CSGALNACT1: variants seen among roughly 807,000 people sequenced by gnomAD.
CSGALNACT1 encodes beta4GalNAcT-1.
In CSGALNACT1, 52 loss-of-function variants were observed where a neutral mutation model predicts 51.0. The observed-to-expected ratio is 1.02, with a 90% confidence interval of 0.82 to 1.29. The LOEUF (loss-of-function observed/expected upper bound fraction) is 1.29, where lower values mean the gene tolerates loss of function less well. Among genes scored for constraint, CSGALNACT1 ranks in the 50% most tolerant of loss-of-function variants. CSGALNACT1 has a pLI of 0.00. For missense variants in CSGALNACT1, 935 were observed against 679.2 expected, an observed-to-expected ratio of 1.38 and a Z score of -4.19; for synonymous variants, 341 against 254.4, an observed-to-expected ratio of 1.34 and a Z score of -3.24.
At chr8:19,480,048 A>G (rs1260154984) in intron 4 of CSGALNACT1, among the ~76,000 whole-genome samples, 1 of 152,214 alleles carries the variant, frequency 6.6e-6, no homozygotes, top group Non-Finnish European at 1.5e-5. Context: ...AACTACAACA[A>G]TGCATATTTC....
At chr8:19,616,574 G>A (rs1229376882) in intron 1 of CSGALNACT1, among the ~76,000 whole-genome samples, 2 of 152,148 alleles carry the variant, frequency 1.3e-5, no homozygotes, top group African/African-American at 2.4e-5. Context: ...CTCCTGGAAG[G>A]TGACTGGATC....
chr8:19,515,551 C>G (rs377664696), intron 3 of CSGALNACT1, among the ~76,000 whole-genome samples: 5 of 152,074 alleles, frequency 3.3e-5, no homozygotes, highest in African/African-American at 9.6e-5. Flanking sequence ...AAGTGTAAAT[C>G]AAAAAAATAA....
chr8:19,480,891 C>T (rs1586896683), intron 4 of CSGALNACT1, among the ~76,000 whole-genome samples: 1 of 152,140 alleles, frequency 6.6e-6, no homozygotes, highest in African/African-American at 2.4e-5. Flanking sequence ...AAAGTTTCCA[C>T]CCGGCATCAA....
chr8:19,527,205 T>C (rs185150057), intron 3 of CSGALNACT1, among the ~76,000 whole-genome samples: 2 of 152,218 alleles, frequency 1.3e-5, no homozygotes, highest in African/African-American at 2.4e-5. Context: ...AAAGGGGACA[T>C]AGATGAGGAA....
At position 19,482,540 on chromosome 8, in the gene CSGALNACT1, G is replaced by A. The variant is rs115416726; in HGVS notation, c.634+22661C>T. ...GCCTTTCTCAATATTCGATGCTAAT[G>A]CCCACACTCTCCATCTAAAGCCGCT... On this transcript the variant is annotated intron_variant, in intron 4 of 9. Transcript: ENST00000454498. Among the ~76,000 whole-genome samples the A allele has an allele frequency of 8.8e-3, 1,338 of 152,208 alleles. 18 individuals carry two copies. The highest frequency in any genetic ancestry group is 0.03 in the African/African-American group (1,229 of 41,518).
At chr8:19,711,881 C>G (rs928071193) in intron 1 of CSGALNACT1, among the ~76,000 whole-genome samples, 1 of 152,204 alleles carries the variant, frequency 6.6e-6, no homozygotes, top group Admixed American at 6.5e-5. Flanking sequence ...GGGATGGTCA[C>G]TTTTCAATTA....
chr8:19,615,467 T>A (rs1408139791), intron 1 of CSGALNACT1, among the ~76,000 whole-genome samples: 2 of 152,244 alleles, frequency 1.3e-5, no homozygotes, highest in Non-Finnish European at 1.5e-5. Flanking sequence ...CCAATTTTAT[T>A]TTTAAAAACT....
intron 3 of CSGALNACT1, 64 bp from the exon 3 acceptor site, chr8:19,506,194 G>C (rs1030279901): frequency 2.1e-6 from 1 of 472,138 alleles, no homozygotes. Flanking sequence ...TGTTCCCTAC[G>C]GCAATCAATA....
In CSGALNACT1 at chr8:19,458,501, G is replaced by C. The variant is rs374398144; in HGVS notation, c.776C>G (p.Ala259Gly). 22 of 1,613,990 alleles carry C rather than the reference G, an allele frequency of 1.4e-5. No homozygotes were observed. The Admixed American group carries it at 2.3e-4, about 17-fold the overall frequency. The stretch of plus-strand genomic sequence containing the variant: ...CACGATAACATTGATAAGCGTGTTG[G>C]CCATGTTGAGCTTTTCATTTTTCAC... Residue 259 changes from alanine to glycine, a missense_variant, in exon 5 of 10, where the codon GCC (alanine) becomes GGC (glycine). Coordinates refer to ENST00000454498, the Ensembl canonical transcript of CSGALNACT1.
rs34859554 is a variant in CSGALNACT1, at chr8:19,590,640, C to CTTTTTTTTTTTT, written c.-297+508_-297+519dup. ...TACTCATAGCTGGTGGACCTAACTACTTTTTTTTTTTTTTTTTTTTTTTTT... is the reference window on the plus strand; with the variant it reads ...TACTCATAGCTGGTGGACCTAACTACTTTTTTTTTTTTTTTTTTTTTTTTTTTTTTTTTTTTT... On this transcript the variant is annotated intron_variant, in intron 3 of 9. Coordinates refer to ENST00000454498, the Ensembl canonical transcript of CSGALNACT1. Among the ~76,000 whole-genome samples the CTTTTTTTTTTTT allele has an allele frequency of 4.3e-5, 3 of 68,982 alleles. 1 individual carries two copies. The highest frequency in any genetic ancestry group is 1.6e-4 in the African/African-American group (3 of 18,186). 45.3% of individuals were successfully genotyped at this position (68,982 alleles called of 152,430 possible).
At chr8:19,477,781 G>C (rs2070132509) in intron 4 of CSGALNACT1, among the ~76,000 whole-genome samples, 1 of 152,152 alleles carries the variant, frequency 6.6e-6, no homozygotes, top group Non-Finnish European at 1.5e-5. Context: ...TGGTTGTGAG[G>C]ACTGAAATAC....
chr8:19,560,548 C>T (rs1371422638), intron 3 of CSGALNACT1, among the ~76,000 whole-genome samples: 4 of 152,132 alleles, frequency 2.6e-5, no homozygotes, highest in Admixed American at 2.6e-4. Context: ...TCAATAGATA[C>T]ACAACACGAT....
intron 3 of CSGALNACT1, among the ~76,000 whole-genome samples, chr8:19,517,592 C>T (rs550502678): frequency 3.3e-5 from 5 of 152,060 alleles, no homozygotes; most frequent in East Asian, 1.9e-4. Context: ...GAAAAAGAGG[C>T]TTAATGGACT....
At chr8:19,637,947 G>C (rs191236043) in intron 1 of CSGALNACT1, among the ~76,000 whole-genome samples, 1 of 152,134 alleles carries the variant, frequency 6.6e-6, no homozygotes, top group African/African-American at 2.4e-5. Flanking sequence ...AGGTCAGCTG[G>C]AGCAGATCTC....
chr8:19,463,200 C>T (rs1563538702), intron 4 of CSGALNACT1, among the ~76,000 whole-genome samples: 1 of 152,148 alleles, frequency 6.6e-6, no homozygotes, highest in Non-Finnish European at 1.5e-5. Flanking sequence ...ACAAGTATCA[C>T]ATTTTCTTTA....
At position 19,665,698 on chromosome 8, in the gene CSGALNACT1, A is replaced by T. The variant is rs544419214; in HGVS notation, c.-544+16775T>A. 3.6e-4 allele frequency among the ~76,000 whole-genome samples: 55 copies of T among 152,316 alleles called. No individual in the cohort carries two copies. In the South Asian group the frequency reaches 4.6e-3, roughly 13 times the overall value. On this transcript the variant is annotated intron_variant, in intron 1 of 9. Coordinates refer to the CSGALNACT1 transcript ENST00000332246. ...AGAACCAAAGATGAACTTGTACCCT[A>T]GGAAGATGTGGTCTTCTAAGCCTGA...
rs367658238 is a variant in CSGALNACT1, at chr8:19,499,127, A to G, written c.634+6074T>C. Among the ~76,000 whole-genome samples, 158 of 152,308 alleles carry G rather than the reference A, an allele frequency of 1.0e-3. 2 individuals are homozygous for G. The highest frequency in any genetic ancestry group is 0.01 in the Middle Eastern group (3 of 294). ...GAGACCCTGTCTCAAAAACAAACAA[A>G]CAAACAAACAGAACAAAATTAAAAT... On this transcript the variant is annotated intron_variant, in intron 4 of 9. Transcript: ENST00000454498.
At chr8:19,530,146 A>C (rs948569222) in intron 3 of CSGALNACT1, among the ~76,000 whole-genome samples, 7 of 152,130 alleles carry the variant, frequency 4.6e-5, no homozygotes, top group Non-Finnish European at 8.8e-5. Context: ...GCATGAACCC[A>C]GGAGGCAGAG....
chr8:19,587,681 C>T (rs547796030), intron 3 of CSGALNACT1, among the ~76,000 whole-genome samples: 1 of 152,252 alleles, frequency 6.6e-6, no homozygotes, highest in African/African-American at 2.4e-5. Flanking sequence ...TCTACATGAA[C>T]AGCTAGTGGC....
Sources: gnomAD v4.1 joint callset for allele counts (sites outside exome capture counted in the v4.1 genomes callset) on GRCh38, gnomAD v4.1.1 for gene constraint, MANE v1.5 for transcripts, NCBI Gene and HGNC (gene_info 2026-07-23, HGNC 2026-07-21) for gene names.